Variants in RGS3 observed in about 807,000 individuals in gnomAD.
The protein encoded by RGS3 is regulator of G-protein signalling 3.
In RGS3, 80 loss-of-function variants were observed where a neutral mutation model predicts 132.6. The ratio of observed to expected loss-of-function variants is 0.60; its 90% confidence interval spans 0.50 to 0.73. The LOEUF (loss-of-function observed/expected upper bound fraction) is 0.73, where lower values mean the gene tolerates loss of function less well. Ranked by LOEUF, RGS3 falls within the 30% of genes least tolerant of loss-of-function variation. RGS3 has a pLI of 0.00. For synonymous variants in RGS3, 598 were observed against 620.6 expected, an observed-to-expected ratio of 0.96 and a Z score of 0.54; for missense variants, 1,382 against 1,530.8, an observed-to-expected ratio of 0.90 and a Z score of 1.62.
At chr9:113,530,619 A>G (rs754947290) in intron 18 of RGS3, among the ~76,000 whole-genome samples, 4 of 152,242 alleles carry the variant, frequency 2.6e-5, no homozygotes, top group African/African-American at 7.2e-5. Flanking sequence ...TTTAATGCCA[A>G]TAGAGCTTCC....
chr9:113,465,656 G>A (rs1262733896), intron 3 of RGS3, among the ~76,000 whole-genome samples: 1 of 152,150 alleles, frequency 6.6e-6, no homozygotes, highest in African/African-American at 2.4e-5. Flanking sequence ...GAGGGTTCAG[G>A]CCCAGCAGGG....
chr9:113,523,069 C>A (rs117471048), intron 17 of RGS3, 28 bp downstream of exon 15: 2 of 1,450,170 alleles, frequency 1.4e-6, no homozygotes, highest in East Asian at 2.3e-5. Flanking sequence ...GTGCCCAGAG[C>A]CCCTCTCAAC....
At chr9:113,596,735 C>T (rs200428482) in intron 24 of RGS3, 33 bp from the exon 23 acceptor site, 6 of 1,574,280 alleles carry the variant, frequency 3.8e-6, no homozygotes, top group Admixed American at 3.5e-5. Context: ...CCCCAGCAGG[C>T]AGCCCTGACC....
chr9:113,535,168 GAGGCTGAGTCTTGCTTTGTCACCC>G (rs1832627723), intron 18 of RGS3, among the ~76,000 whole-genome samples: 2 of 149,048 alleles, frequency 1.3e-5, no homozygotes, highest in Non-Finnish European at 3.0e-5. Context: ...TTTTTTTTTC[GAGGCTGAGTCTTGCTTTGTCACCC>G]AGGCTGAGTC....
chr9:113,477,705 G>A (rs1830037129), intron 3 of RGS3, among the ~76,000 whole-genome samples: 1 of 152,188 alleles, frequency 6.6e-6, no homozygotes, highest in African/African-American at 2.4e-5. Context: ...TTACCGAGAG[G>A]CCACTGTTGG....
At chr9:113,573,503 AC>A (rs1009910952) in intron 19 of RGS3, among the ~76,000 whole-genome samples, 20 of 152,096 alleles carry the variant, frequency 1.3e-4, no homozygotes, top group Admixed American at 7.9e-4. Context: ...ATTGGGATTC[AC>A]CCCCAGGCCC....
Position 113,565,452 on chromosome 9 carries a change from G to A in RGS3, c.2038-17998G>A. ...AGGAGGAGGGACGGGTGATGCAAGGGTTTTGAAAGCGCTACCTAGATGTGG... is the reference window on the plus strand; with the variant it reads ...AGGAGGAGGGACGGGTGATGCAAGGATTTTGAAAGCGCTACCTAGATGTGG... On this transcript the variant is annotated intron_variant, in intron 19 of 24. Coordinates refer to ENST00000350696, the Ensembl canonical transcript of RGS3. This position sits in a 1 kb window ranked among gnomAD's most constrained non-coding sequence, Gnocchi z 5.7. 8.5e-7 allele frequency: 1 copy of A among 1,175,938 alleles called. No individual in the cohort carries two copies. Among genetic ancestry groups the A allele is most frequent in the Non-Finnish European group, 1.1e-6 (1 of 887,882 alleles). 72.8% of individuals were successfully genotyped at this position (1,175,938 alleles called of 1,614,324 possible). A position where few individuals can be genotyped will look rare whatever the true frequency, so the allele number is the denominator to read the frequency against.
intron 19 of RGS3, among the ~76,000 whole-genome samples, chr9:113,562,078 CAG>C (rs2118824163): frequency 6.6e-6 from 1 of 152,294 alleles, no homozygotes; most frequent in Non-Finnish European, 1.5e-5. Context: ...GTGCAGGACA[CAG>C]TGGAAAGTGA....
chr9:113,456,547 T>C (rs1010378379), upstream of RGS3, among the ~76,000 whole-genome samples: 1 of 152,224 alleles, frequency 6.6e-6, no homozygotes, highest in Non-Finnish European at 1.5e-5. Flanking sequence ...TTCCCTAGTT[T>C]GGTCATTGTC....
In RGS3 at chr9:113,507,141, A is replaced by G. The variant is rs1198018144; in HGVS notation, c.1086-146A>G. On this transcript the variant is annotated intron_variant, in intron 12 of 24. Coordinates refer to ENST00000350696, the Ensembl canonical transcript of RGS3. The surrounding 1 kb of genome is among the most constrained non-coding windows in gnomAD (Gnocchi z 5.0). ...GTCTCTTCTTTAAATGGCTTCTTGCATCCCTTCCTGCCCTGACACTGGGGG... is the reference window on the plus strand; with the variant it reads ...GTCTCTTCTTTAAATGGCTTCTTGCGTCCCTTCCTGCCCTGACACTGGGGG... The G allele has an allele frequency of 7.7e-6, 5 of 646,304 alleles. No homozygotes were observed. The Admixed American group carries it at 1.5e-4, about 19-fold the overall frequency. The allele number at this position is 646,304 out of a possible 1,614,324, so 40.0% of individuals were successfully genotyped here.
At chr9:113,480,287 T>C (rs1349379097) in intron 4 of RGS3, among the ~76,000 whole-genome samples, 1 of 151,620 alleles carries the variant, frequency 6.6e-6, no homozygotes, top group East Asian at 1.9e-4. Context: ...TGAAACCCCG[T>C]CTCTACCAAA....
intron 3 of RGS3, among the ~76,000 whole-genome samples, chr9:113,467,436 AATTGAT>A (rs1268076389): frequency 1.3e-5 from 2 of 152,278 alleles, no homozygotes; most frequent in African/African-American, 4.8e-5. Context: ...AGTGGGTGTG[AATTGAT>A]ATTCACTATA....
chr9:113,536,832 C>T lies in RGS3; in HGVS notation c.1951C>T (p.Gln651Ter). Residue 651 changes from glutamine to a stop codon, truncating the protein, a stop_gained, in exon 19 of 25, where the codon CAG becomes TAG. Transcript: ENST00000350696. LOFTEE classifies it high-confidence loss of function. ...CTTATTCACTTTGGAAGCGCACTCGCAGGAGCAGAAGAAGAGAGTGTGCTG... is the reference window on the plus strand; with the variant it reads ...CTTATTCACTTTGGAAGCGCACTCGTAGGAGCAGAAGAAGAGAGTGTGCTG... The T allele has an allele frequency of 6.2e-7, 1 of 1,614,176 alleles. No homozygotes were observed. Among genetic ancestry groups the T allele is most frequent in the Non-Finnish European group, 8.5e-7 (1 of 1,180,020 alleles).
intron 7 of RGS3, among the ~76,000 whole-genome samples, chr9:113,485,963 AT>A (rs1478281532): frequency 6.6e-6 from 1 of 152,204 alleles, no homozygotes; most frequent in African/African-American, 2.4e-5. Context: ...ACACATGGAA[AT>A]TTATTCTCAA....
At chr9:113,449,458 G>T (rs539888443) in intron 1 of RGS3, among the ~76,000 whole-genome samples, 1 of 152,122 alleles carries the variant, frequency 6.6e-6, no homozygotes, top group Non-Finnish European at 1.5e-5. Context: ...TGAGAATTCC[G>T]TCAATGTGTG....
At position 113,463,100 on chromosome 9, in the gene RGS3, G is replaced by C. The variant is rs1050489397; in HGVS notation, c.415+899G>C. 1.3e-5 allele frequency among the ~76,000 whole-genome samples: 2 copies of C among 152,232 alleles called. No homozygotes were observed. Among genetic ancestry groups the C allele is most frequent in the African/African-American group, 2.4e-5 (1 of 41,462 alleles). On this transcript the variant is annotated intron_variant, in intron 3 of 24. Coordinates refer to ENST00000350696, the Ensembl canonical transcript of RGS3. This position sits in a 1 kb window ranked among gnomAD's most constrained non-coding sequence, Gnocchi z 4.6. ...CCTCTTTCTCAGAGGCTGTGGGCCT[G>C]TCCTGCTGTCCGATGGCATCAGGCT...
intron 19 of RGS3, among the ~76,000 whole-genome samples, chr9:113,552,157 T>G (rs564689225): frequency 6.6e-6 from 1 of 152,346 alleles, no homozygotes; most frequent in South Asian, 2.1e-4. Context: ...CTTAATATTT[T>G]AATCAATTGG....
At chr9:113,465,217 A>G (rs1018452698) in intron 3 of RGS3, among the ~76,000 whole-genome samples, 10 of 152,186 alleles carry the variant, frequency 6.6e-5, no homozygotes, top group African/African-American at 2.4e-4. Context: ...TGATCAGGAA[A>G]GGGTGTCAGG....
At chr9:113,505,702 C>T (rs1283443709) in intron 11 of RGS3, among the ~76,000 whole-genome samples, 179 bp downstream of exon 9, 1 of 152,112 alleles carries the variant, frequency 6.6e-6, no homozygotes, top group Non-Finnish European at 1.5e-5. Context: ...TGAAAATATG[C>T]CCACTTTTTT....
Sources: allele counts gnomAD v4.1 joint callset (sites outside exome capture counted in the v4.1 genomes callset), GRCh38; gene constraint gnomAD v4.1.1; non-coding constraint Gnocchi (gnomAD v3.1); transcripts MANE v1.5; gene names NCBI Gene and HGNC (gene_info 2026-07-23, HGNC 2026-07-21).